GFPT2: variants seen among roughly 807,000 people sequenced by gnomAD.
The protein encoded by GFPT2 is glutamine--fructose-6-phosphate aminotransferase [isomerizing] 2.
A neutral mutation model predicts 85.6 loss-of-function variants in GFPT2; 62 were observed. That is an observed-to-expected ratio of 0.72 (90% CI 0.59 to 0.90). The LOEUF is 0.90. Ranked by LOEUF, GFPT2 falls within the 40% of genes least tolerant of loss-of-function variation. The probability of loss-of-function intolerance (pLI) is 0.00; values close to 1 mark genes in which losing one functional copy is unlikely to be tolerated. For synonymous variants in GFPT2, 368 were observed against 344.5 expected (o/e 1.07, Z -0.75); for missense variants, 788 against 893.4 (o/e 0.88, Z 1.50).
chr5:180,347,517 C>T (rs762657306), intron 1 of GFPT2, among the ~76,000 whole-genome samples: 4 of 152,298 alleles, frequency 2.6e-5, no homozygotes, highest in South Asian at 4.2e-4. Flanking sequence ...AGAAGGGATT[C>T]GACATGAGCC....
At chr5:180,305,848 CCAGGGGG>C (rs996979652) in intron 16 of GFPT2, among the ~76,000 whole-genome samples, 5 of 152,212 alleles carry the variant, frequency 3.3e-5, no homozygotes, top group Non-Finnish European at 7.3e-5. Context: ...GTCAGAATCT[CCAGGGGG>C]CAGGTGCAGG....
chr5:180,320,318 C>G (rs1486688471), intron 9 of GFPT2, among the ~76,000 whole-genome samples: 1 of 152,098 alleles, frequency 6.6e-6, no homozygotes, highest in East Asian at 1.9e-4. Flanking sequence ...ATAACTTTCT[C>G]TGTATGGAAA....
chr5:180,353,296 CG>C lies in GFPT2; in HGVS notation c.-80del. The C allele has an allele frequency of 7.5e-6, 2 of 266,788 alleles. No individual in the cohort carries two copies. The highest frequency in any genetic ancestry group is 5.1e-6 in the Non-Finnish European group (1 of 195,034). The allele number at this position is 266,788 out of a possible 1,614,324, so 16.5% of individuals were successfully genotyped here. A position where few individuals can be genotyped will look rare whatever the true frequency, so the allele number is the denominator to read the frequency against. ...GCTGGGGCTCCTCCGTGGGCTCCTC[CG>C]TGGGCTCCGTGGGCTCCGTGGGCTC... On this transcript the variant is annotated 5_prime_UTR_variant, in exon 1 of 19. Coordinates refer to ENST00000253778, the MANE Select transcript of GFPT2 (RefSeq NM_005110.4).
intron 7 of GFPT2, among the ~76,000 whole-genome samples, chr5:180,326,024 CTAAATAAATAAA>C (rs60825853): frequency 6.6e-6 from 1 of 150,626 alleles, no homozygotes. Flanking sequence ...GACTCCATCT[CTAAATAAATAAA>C]TAAATAAATA....
At chr5:180,314,120 C>T (rs550003083) in intron 13 of GFPT2, among the ~76,000 whole-genome samples, 156 bp from the exon 14 acceptor site, 15 of 152,128 alleles carry the variant, frequency 9.9e-5, no homozygotes, top group Non-Finnish European at 2.1e-4. Flanking sequence ...ACAGCCTTTT[C>T]GGTTGATTCT....
At chr5:180,332,424 C>CTAT (rs1402438242) in intron 4 of GFPT2, among the ~76,000 whole-genome samples, 12 of 152,206 alleles carry the variant, frequency 7.9e-5, no homozygotes, top group African/African-American at 2.9e-4. Flanking sequence ...GAAAGATTCC[C>CTAT]TATTACCCTT....
intron 4 of GFPT2, among the ~76,000 whole-genome samples, chr5:180,332,493 A>G (rs193014452): frequency 8.6e-5 from 13 of 151,974 alleles, no homozygotes; most frequent in Admixed American, 5.9e-4. Flanking sequence ...ATAAATATTG[A>G]CTATTTTTTT....
At position 180,332,265 on chromosome 5, in the gene GFPT2, C is replaced by T. The variant is rs184170955; in HGVS notation, c.341-712G>A. ...GGGGGGCGGGGGGAGCAGGGGGATG[C>T]GGGGGATGCGGTGAGGGATGTCTGC... is the stretch of plus-strand genomic sequence containing the variant. On this transcript the variant is annotated intron_variant, in intron 4 of 18. Coordinates refer to ENST00000253778, the MANE Select transcript of GFPT2 (RefSeq NM_005110.4). Among the ~76,000 whole-genome samples the T allele has an allele frequency of 5.4e-4, 63 of 117,212 alleles. 2 individuals are homozygous for T. The East Asian group carries it at 0.014, about 25-fold the overall frequency. 76.9% of individuals were successfully genotyped at this position (117,212 alleles called of 152,430 possible).
At chr5:180,303,224 C>CA (rs1561870320) in intron 17 of GFPT2, among the ~76,000 whole-genome samples, 2 of 131,938 alleles carry the variant, frequency 1.5e-5, no homozygotes, top group East Asian at 4.5e-4. Context: ...AGCCAGACTC[C>CA]GTCACAAAAA....
At position 180,330,213 on chromosome 5, in the gene GFPT2, T is replaced by G. The variant is rs1273985417; in HGVS notation, c.534+487A>C. On this transcript the variant is annotated intron_variant, in intron 6 of 18. Transcript: ENST00000253778. The surrounding 1 kb of genome is among the most constrained non-coding windows in gnomAD (Gnocchi z 4.4). ...GTGCGTGCCTGTAGTCTCAGCTAAC[T>G]CAGGAGGCTGAGGCAGGAGGACTGC... Among the ~76,000 whole-genome samples the G allele has an allele frequency of 1.3e-5, 2 of 152,056 alleles. No homozygotes were observed. Among genetic ancestry groups the G allele is most frequent in the Admixed American group, 6.6e-5 (1 of 15,266 alleles).
At chr5:180,305,086 T>C in intron 16 of GFPT2, 147 bp from the exon 17 acceptor site, 1 of 660,182 alleles carries the variant, frequency 1.5e-6, no homozygotes, top group East Asian at 2.5e-5. Context: ...CTGGAGTGCT[T>C]GACAGCACTG....
intron 13 of GFPT2, among the ~76,000 whole-genome samples, chr5:180,315,961 C>T (rs1020756454): frequency 1.3e-5 from 2 of 152,234 alleles, no homozygotes; most frequent in Non-Finnish European, 2.9e-5. Context: ...CCACGTGACT[C>T]TCAACCTAAC....
chr5:180,306,252 T>C (rs1763776154), intron 16 of GFPT2, among the ~76,000 whole-genome samples: 2 of 152,208 alleles, frequency 1.3e-5, no homozygotes, highest in Non-Finnish European at 2.9e-5. Flanking sequence ...CCCAAAGTGC[T>C]GGGATTACAG....
intron 15 of GFPT2, among the ~76,000 whole-genome samples, chr5:180,307,735 AT>A (rs1269286290): frequency 1.3e-5 from 2 of 152,192 alleles, no homozygotes; most frequent in Non-Finnish European, 2.9e-5. Flanking sequence ...ACTCTTGAAA[AT>A]TATTGCAAGT....
At position 180,318,845 on chromosome 5, in the gene GFPT2, G is replaced by A. The variant is rs1324024949; in HGVS notation, c.906C>T (p.Asp302=). The A allele has an allele frequency of 1.2e-6, 2 of 1,613,922 alleles. No homozygotes were observed. Among genetic ancestry groups the A allele is most frequent in the African/African-American group, 2.7e-5 (2 of 74,934 alleles). Residue 302 remains aspartate (D), a synonymous_variant, in exon 10 of 19, where the codon GAC becomes GAT. Coordinates refer to ENST00000253778, the MANE Select transcript of GFPT2 (RefSeq NM_005110.4). This position sits in a 1 kb window ranked among gnomAD's most constrained non-coding sequence, Gnocchi z 4.2. ...IHRVKRSASD[D]PSRAIQTLQM... ...GCAAGGTCTGGATGGCTCGAGATGG[G>A]TCATCACTGGCCGAGCGCTTGACCC... is the stretch of plus-strand genomic sequence containing the variant.
At position 180,338,508 on chromosome 5, in the gene GFPT2, C is replaced by T. The variant is rs1185694694; in HGVS notation, c.100G>A (p.Gly34Ser). Residue 34 changes from glycine to serine, a missense_variant, in exon 2 of 19, where the codon GGC becomes AGC. Coordinates refer to ENST00000253778, the MANE Select transcript of GFPT2 (RefSeq NM_005110.4). ...IKGLQRLEYR[G>S]YDSAGVAIDG... Reference sequence around the variant, plus strand: ...GCACACCCACCTGCCGAGTCGTAGCCTCTGTACTCCAGCCGCTGCAGGCCC... The same window carrying T: ...GCACACCCACCTGCCGAGTCGTAGCTTCTGTACTCCAGCCGCTGCAGGCCC... 1.2e-6 allele frequency: 2 copies of T among 1,604,572 alleles called. No homozygotes were observed. Among genetic ancestry groups the T allele is most frequent in the Non-Finnish European group, 1.7e-6 (2 of 1,171,590 alleles).
At chr5:180,335,379 C>T (rs1581385245) in intron 4 of GFPT2, among the ~76,000 whole-genome samples, 2 of 152,220 alleles carry the variant, frequency 1.3e-5, no homozygotes, top group South Asian at 4.1e-4. Flanking sequence ...ACCAGTACAG[C>T]CCCTGCCCTC....
chr5:180,316,584 T>C (rs1472953822), intron 12 of GFPT2, 123 bp from the exon 13 acceptor site: 21 of 1,126,602 alleles, frequency 1.9e-5, no homozygotes, highest in Non-Finnish European at 2.1e-5. Flanking sequence ...GCGAGGGGAC[T>C]TCGGTCACCC....
At chr5:180,302,684 AGT>A in intron 17 of GFPT2, 100 bp from the exon 18 acceptor site, 7 of 911,768 alleles carry the variant, frequency 7.7e-6, no homozygotes, top group Non-Finnish European at 1.2e-5. Flanking sequence ...TGATGAGAAC[AGT>A]CCTCTTTTGC....
Sources: gnomAD v4.1 joint callset for allele counts (sites outside exome capture counted in the v4.1 genomes callset) on GRCh38, gnomAD v4.1.1 for gene constraint, Gnocchi (gnomAD v3.1) non-coding constraint, MANE v1.5 for transcripts, NCBI Gene and HGNC (gene_info 2026-07-23, HGNC 2026-07-21) for gene names.